ZNF100: variants seen among roughly 807,000 people sequenced by gnomAD.
The protein encoded by ZNF100 is zinc finger protein 100.
A neutral mutation model predicts 15.8 loss-of-function variants in ZNF100; 12 were observed. That is an observed-to-expected ratio of 0.76 (90% CI 0.49 to 1.23). The LOEUF (loss-of-function observed/expected upper bound fraction) is 1.23. ZNF100 is among the 50% of genes most tolerant of loss of function. ZNF100 has a pLI of 0.00. For synonymous variants in ZNF100, 226 were observed against 214.8 expected, an observed-to-expected ratio of 1.05 and a Z score of -0.45; for missense variants, 670 against 635.6, an observed-to-expected ratio of 1.05 and a Z score of -0.58.
rs1395826984 is a variant in ZNF100 at position 21,733,165 on chromosome 19, TAC to T, written c.323-5178_323-5177del. Among the ~76,000 whole-genome samples the T allele has an allele frequency of 7.2e-5, 11 of 152,280 alleles. No homozygotes were observed. The East Asian group carries it at 7.7e-4, about 11-fold the overall frequency. On this transcript the variant is annotated intron_variant, in intron 4 of 4. Transcript: ENST00000358296. Reference sequence around the variant, plus strand: ...TATAAAACTCTCTATTAAATGTAAATACAGACACATATAGAATTTTTTTACTA... The same window carrying T: ...TATAAAACTCTCTATTAAATGTAAATAGACACATATAGAATTTTTTTACTA...
At chr19:21,728,498 G>A (rs550389064) in intron 4 of ZNF100, among the ~76,000 whole-genome samples, 16 of 152,208 alleles carry the variant, frequency 1.1e-4, no homozygotes, top group Admixed American at 9.8e-4. Context: ...AGAGACTGCT[G>A]TACCACAGAC....
At chr19:21,730,463 T>TGTGA (rs1296614096) in intron 4 of ZNF100, among the ~76,000 whole-genome samples, 1 of 152,028 alleles carries the variant, frequency 6.6e-6, no homozygotes, top group African/African-American at 2.4e-5. Context: ...TGTGTGTGTG[T>TGTGA]GTGTGTGTGT....
At chr19:21,733,112 T>A (rs2035946573) in intron 4 of ZNF100, among the ~76,000 whole-genome samples, 2 of 152,160 alleles carry the variant, frequency 1.3e-5, no homozygotes, top group South Asian at 4.1e-4. Context: ...AACAAAATGA[T>A]GCCAGAAGTA....
rs1444801703 is a variant in ZNF100 at position 21,765,792 on chromosome 19, G to A, written c.4-6C>T. The A allele has an allele frequency of 4.4e-6, 7 of 1,603,244 alleles. No homozygotes were observed. The highest frequency in any genetic ancestry group is 1.3e-5 in the African/African-American group (1 of 74,806). On this transcript the variant is annotated splice_polypyrimidine_tract_variant and splice_region_variant and intron_variant, in intron 1 of 4. Transcript: ENST00000358296. ...ATTCCATACCTCGGGTCATCCTACGGGAGAAAATAAACCAGAAGCTGACAT... is the reference window on the plus strand; with the variant it reads ...ATTCCATACCTCGGGTCATCCTACGAGAGAAAATAAACCAGAAGCTGACAT...
At chr19:21,733,792 T>C (rs866825733) in intron 4 of ZNF100, among the ~76,000 whole-genome samples, 2,199 of 137,646 alleles carry the variant, frequency 0.016, no homozygotes, top group African/African-American at 0.046. Context: ...GTAAGACAAC[T>C]TATAAAGAAG....
intron 2 of ZNF100, among the ~76,000 whole-genome samples, chr19:21,755,183 T>C (rs2036372355): frequency 6.6e-6 from 1 of 151,948 alleles, no homozygotes; most frequent in Admixed American, 6.6e-5. Context: ...TGGTGGGGCA[T>C]GTAATCCCAG....
intron 4 of ZNF100, among the ~76,000 whole-genome samples, chr19:21,728,200 CT>C (rs915871874): frequency 2.6e-5 from 4 of 151,558 alleles, no homozygotes; most frequent in African/African-American, 7.3e-5. Flanking sequence ...TGAAGTGCCC[CT>C]GGTGAGAACA....
At chr19:21,738,449 C>A (rs2036050257) in intron 4 of ZNF100, among the ~76,000 whole-genome samples, 1 of 151,924 alleles carries the variant, frequency 6.6e-6, no homozygotes, top group Admixed American at 6.6e-5. Context: ...CAGCCTGGCA[C>A]TGGTATAAAA....
At chr19:21,731,207 T>C (rs1444606449) in intron 4 of ZNF100, among the ~76,000 whole-genome samples, 1 of 152,200 alleles carries the variant, frequency 6.6e-6, no homozygotes, top group Non-Finnish European at 1.5e-5. Context: ...ATAGAAACTT[T>C]CACATATATG....
chr19:21,737,618 G>C (rs1301887908), intron 4 of ZNF100, among the ~76,000 whole-genome samples: 1 of 151,004 alleles, frequency 6.6e-6, no homozygotes, highest in African/African-American at 2.4e-5. Context: ...ACATAAACTG[G>C]AAAATCTAGA....
intron 2 of ZNF100, among the ~76,000 whole-genome samples, chr19:21,753,756 C>T (rs540424105): frequency 2.0e-5 from 3 of 152,130 alleles, no homozygotes; most frequent in African/African-American, 4.8e-5. Flanking sequence ...CATTGATCAC[C>T]GAAGTTTCTT....
intron 2 of ZNF100, among the ~76,000 whole-genome samples, chr19:21,763,007 T>C (rs1335868383): frequency 1.3e-5 from 2 of 152,190 alleles, no homozygotes; most frequent in East Asian, 1.9e-4. Flanking sequence ...AGAGTTTACA[T>C]ATGCCATGGA....
intron 4 of ZNF100, chr19:21,743,253 A>G (rs2036151051): frequency 6.6e-6 from 1 of 152,222 alleles, no homozygotes; most frequent in African/African-American, 2.4e-5. Flanking sequence ...CAAAAAAGAT[A>G]TATCAATGAA....
intron 4 of ZNF100, among the ~76,000 whole-genome samples, chr19:21,734,709 C>T (rs10421401): frequency 1.3e-5 from 2 of 151,818 alleles, no homozygotes; most frequent in African/African-American, 4.8e-5. Context: ...ATCCAGAGGA[C>T]CCCAGTAAGA....
At chr19:21,748,253 G>C (rs1419932610) in intron 2 of ZNF100, among the ~76,000 whole-genome samples, 1 of 152,200 alleles carries the variant, frequency 6.6e-6, no homozygotes, top group Non-Finnish European at 1.5e-5. Flanking sequence ...TAGAAAGGCA[G>C]AAGGATTTAC....
intron 4 of ZNF100, among the ~76,000 whole-genome samples, chr19:21,735,627 G>T (rs2145699642): frequency 6.6e-6 from 1 of 151,550 alleles, no homozygotes; most frequent in African/African-American, 2.4e-5. Flanking sequence ...AAAGGGAGAA[G>T]AATTTACCAA....
chr19:21,735,503 A>G (rs79864538), intron 4 of ZNF100, among the ~76,000 whole-genome samples: 2 of 122,070 alleles, frequency 1.6e-5, no homozygotes, highest in African/African-American at 6.8e-5. Flanking sequence ...TCTGTCTCAA[A>G]AAAAAAAAAA....
Position 21,726,800 on chromosome 19 carries a change from CTTATG to C in ZNF100, c.1507_1511del (p.His503AspfsTer16), listed in dbSNP as rs1217701748. 3 of 1,613,388 alleles carry C rather than the reference CTTATG, an allele frequency of 1.9e-6. No homozygotes were observed. The highest frequency in any genetic ancestry group is 2.5e-6 in the Non-Finnish European group (3 of 1,179,792). ...AAGATTTCTCTCCAGTATGAGTTAT[CTTATG>C]TTTAGTAAGGGTTGAGGATCGGTTA... On this transcript the variant is annotated frameshift_variant, in exon 5 of 5. Coordinates refer to ENST00000358296, the MANE Select transcript of ZNF100 (RefSeq NM_173531.4). LOFTEE classifies it low-confidence loss of function (END_TRUNC).
intron 4 of ZNF100, among the ~76,000 whole-genome samples, chr19:21,741,661 C>T (rs1350025949): frequency 6.6e-6 from 1 of 151,906 alleles, no homozygotes; most frequent in Non-Finnish European, 1.5e-5. Context: ...AGGCATGAGC[C>T]ACCACGCCTG....
Sources: allele counts gnomAD v4.1 joint callset (sites outside exome capture counted in the v4.1 genomes callset), GRCh38; gene constraint gnomAD v4.1.1; transcripts MANE v1.5; gene names NCBI Gene and HGNC (gene_info 2026-07-23, HGNC 2026-07-21).